Variants in DDAH1 observed in about 807,000 individuals in gnomAD.
DDAH1 encodes N(G),N(G)-dimethylarginine dimethylaminohydrolase 1.
In DDAH1, 19 loss-of-function variants were observed where a neutral mutation model predicts 28.8. That is an observed-to-expected ratio of 0.66 (90% CI 0.46 to 0.97). The LOEUF is 0.97. DDAH1 is among the 50% of genes least tolerant of loss of function. The pLI is 0.00. For synonymous variants in DDAH1, 153 were observed against 154.4 expected (o/e 0.99, Z 0.07); for missense variants, 326 against 375.9 (o/e 0.87, Z 1.10).
chr1:85,324,303 TAAAA>T (rs1191279481), intron 5 of DDAH1, among the ~76,000 whole-genome samples: 3 of 97,008 alleles, frequency 3.1e-5, no homozygotes, highest in Non-Finnish European at 4.6e-5. Flanking sequence ...TAATAATAAA[TAAAA>T]AAATAAAAAG....
At chr1:85,375,738 A>G (rs1483335222) in intron 1 of DDAH1, among the ~76,000 whole-genome samples, 1 of 152,094 alleles carries the variant, frequency 6.6e-6, no homozygotes, top group Non-Finnish European at 1.5e-5. Flanking sequence ...TAAGTTTGTA[A>G]TCCAGTTTAG....
chr1:85,394,732 C>A (rs2100562458), intron 1 of DDAH1, among the ~76,000 whole-genome samples: 1 of 152,174 alleles, frequency 6.6e-6, no homozygotes. Flanking sequence ...TTTTTAAGAA[C>A]AAGTAAATTA....
chr1:85,556,467 T>C (rs954794065), intron 1 of DDAH1, among the ~76,000 whole-genome samples: 1 of 152,168 alleles, frequency 6.6e-6, no homozygotes, highest in Admixed American at 6.5e-5. Flanking sequence ...GTCATCTGTA[T>C]TTTTAGTCAT....
intron 1 of DDAH1, among the ~76,000 whole-genome samples, chr1:85,438,910 G>T (rs564641936): frequency 1.3e-5 from 2 of 152,090 alleles, no homozygotes; most frequent in Non-Finnish European, 2.9e-5. Flanking sequence ...CTTTATAACA[G>T]GATGGTAATT....
chr1:85,530,988 C>A (rs557751207), intron 1 of DDAH1, among the ~76,000 whole-genome samples: 1 of 35,016 alleles, frequency 2.9e-5, no homozygotes, highest in Non-Finnish European at 5.7e-5. Flanking sequence ...GAGACTCTGT[C>A]TCAAAAAAAA....
intron 1 of DDAH1, among the ~76,000 whole-genome samples, chr1:85,375,224 G>C (rs1352535222): frequency 6.6e-6 from 1 of 152,066 alleles, no homozygotes; most frequent in Non-Finnish European, 1.5e-5. Context: ...AGCAAATGTT[G>C]AGAAAGTAAC....
At chr1:85,492,340 G>A (rs1039037829) in intron 2 of DDAH1, among the ~76,000 whole-genome samples, 2 of 152,148 alleles carry the variant, frequency 1.3e-5, no homozygotes, top group African/African-American at 4.8e-5. Flanking sequence ...GGAAGACTTA[G>A]GTTAAGTGGA....
At chr1:85,572,415 C>T (rs144619659) in intron 1 of DDAH1, among the ~76,000 whole-genome samples, 18 of 152,224 alleles carry the variant, frequency 1.2e-4, no homozygotes, top group African/African-American at 3.4e-4. Context: ...CCATGCTCTC[C>T]CCGAAAGGAA....
intron 2 of DDAH1, among the ~76,000 whole-genome samples, chr1:85,483,344 T>C (rs1300673414): frequency 2.6e-5 from 4 of 152,266 alleles, no homozygotes; most frequent in African/African-American, 7.2e-5. Flanking sequence ...GGATGTTACG[T>C]TGTAAAGTCT....
Position 85,364,193 on chromosome 1 carries a change from G to C in DDAH1, c.304-5346C>G, listed in dbSNP as rs1050167242. 2.0e-5 allele frequency among the ~76,000 whole-genome samples: 3 copies of C among 152,236 alleles called. No individual in the cohort carries two copies. In the East Asian group the frequency reaches 5.8e-4, roughly 29 times the overall value. On this transcript the variant is annotated intron_variant, in intron 1 of 5. Transcript: ENST00000284031. ...CATTTTCACTTCACTGTATGATTAA[G>C]ATTCTCCTGAGGTCTCATCATAGAG...
At chr1:85,478,026 TA>T (rs1374681971) in intron 2 of DDAH1, among the ~76,000 whole-genome samples, 4 of 151,610 alleles carry the variant, frequency 2.6e-5, no homozygotes, top group Non-Finnish European at 2.9e-5. Flanking sequence ...ACTTTCCTTC[TA>T]AAAAAAATTA....
At chr1:85,321,646 T>C in intron 5 of DDAH1, 78 bp from the exon 6 acceptor site, 2 of 1,107,218 alleles carry the variant, frequency 1.8e-6, no homozygotes, top group Non-Finnish European at 2.8e-6. Flanking sequence ...TCAATTTGAT[T>C]TGTACATCTA....
chr1:85,482,349 C>T (rs1227347478), intron 2 of DDAH1: 1 of 152,150 alleles, frequency 6.6e-6, no homozygotes, highest in Non-Finnish European at 1.5e-5. Flanking sequence ...CAGTCCTCAA[C>T]TTAGTACTCA....
At chr1:85,501,607 C>T (rs1656822622) in intron 1 of DDAH1, among the ~76,000 whole-genome samples, 5 of 152,166 alleles carry the variant, frequency 3.3e-5, no homozygotes, top group Admixed American at 3.3e-4. Flanking sequence ...GTGATCTCTG[C>T]CTCCTCAGAA....
At chr1:85,332,074 C>T (rs547614812) in intron 4 of DDAH1, among the ~76,000 whole-genome samples, 43 of 152,268 alleles carry the variant, frequency 2.8e-4, no homozygotes, top group African/African-American at 8.7e-4. Flanking sequence ...CTGGTATTCC[C>T]GGGGTCCGTG....
intron 4 of DDAH1, among the ~76,000 whole-genome samples, chr1:85,345,334 A>AT (rs34721625): frequency 3.3e-4 from 49 of 146,426 alleles, no homozygotes; most frequent in Middle Eastern, 3.5e-3. Flanking sequence ...GTCTTACATT[A>AT]TTTTTTTTTT....
chr1:85,412,529 G>A (rs1652697274), intron 1 of DDAH1, among the ~76,000 whole-genome samples: 1 of 152,122 alleles, frequency 6.6e-6, no homozygotes, highest in Non-Finnish European at 1.5e-5. Context: ...ACCAATCGGT[G>A]TAGTATGGCC....
rs1656434020 is a variant in DDAH1, at chr1:85,492,304, G to A, written c.-7+3862C>T. Reference sequence around the variant, plus strand: ...ATTCTCTAATTAACAATAAAAAAATGCAAAAATGGACTCAAATATTAACAA... The same window carrying A: ...ATTCTCTAATTAACAATAAAAAAATACAAAAATGGACTCAAATATTAACAA... On this transcript the variant is annotated intron_variant, in intron 2 of 6. Coordinates refer to the DDAH1 transcript ENST00000426972. 1.3e-5 allele frequency among the ~76,000 whole-genome samples: 2 copies of A among 152,228 alleles called. 1 individual carries two copies. The highest frequency in any genetic ancestry group is 4.1e-4 in the South Asian group (2 of 4,826).
intron 2 of DDAH1, chr1:85,495,581 A>C (rs945576273): frequency 6.6e-6 from 1 of 152,214 alleles, no homozygotes; most frequent in African/African-American, 2.4e-5. Flanking sequence ...CTTTGCCATG[A>C]TCAGCTGGAA....
Sources: allele counts gnomAD v4.1 joint callset (sites outside exome capture counted in the v4.1 genomes callset), GRCh38; gene constraint gnomAD v4.1.1; transcripts MANE v1.5; gene names NCBI Gene and HGNC (gene_info 2026-07-23, HGNC 2026-07-21).